ROR2: variants seen among roughly 807,000 people sequenced by gnomAD.
The protein encoded by ROR2 is ROR family WNT receptor 2.
Under a neutral mutation model 74.9 loss-of-function variants are expected in ROR2, and 33 were observed. The observed-to-expected ratio is 0.44, with a 90% CI of 0.33 to 0.59. The LOEUF (loss-of-function observed/expected upper bound fraction) is 0.59. Among genes scored for constraint, ROR2 ranks in the 20% least tolerant of loss-of-function variants. The pLI, the probability that ROR2 is intolerant of heterozygous loss-of-function variation, is 0.02. For missense variants in ROR2, 1,216 were observed against 1,313.8 expected (o/e 0.93, Z 1.15); for synonymous variants, 586 against 558.7 (o/e 1.05, Z -0.69).
At chr9:91,755,659 C>T (rs571314384) in intron 4 of ROR2, among the ~76,000 whole-genome samples, 13 of 152,218 alleles carry the variant, frequency 8.5e-5, no homozygotes, top group African/African-American at 2.7e-4. Context: ...CCCACTGCCA[C>T]GGGGTGGCCC....
chr9:91,927,629 T>C (rs1333569012), intron 1 of ROR2, among the ~76,000 whole-genome samples: 9 of 147,430 alleles, frequency 6.1e-5, no homozygotes, highest in African/African-American at 2.5e-5. Flanking sequence ...AGTGGTGCGA[T>C]GTCAGCTCAC....
intron 1 of ROR2, among the ~76,000 whole-genome samples, chr9:91,930,625 G>C (rs943825007): frequency 6.6e-6 from 1 of 152,182 alleles, no homozygotes; most frequent in Admixed American, 6.5e-5. Context: ...CACACCAGAG[G>C]AATGTAAAGC....
intron 2 of ROR2, among the ~76,000 whole-genome samples, chr9:91,762,305 G>C (rs1482805115): frequency 6.6e-6 from 1 of 152,152 alleles, no homozygotes; most frequent in Admixed American, 6.5e-5. Context: ...TAAAGATCTT[G>C]CCACTTTACT....
At chr9:91,817,052 C>G (rs1002457573) in intron 1 of ROR2, among the ~76,000 whole-genome samples, 2 of 152,174 alleles carry the variant, frequency 1.3e-5, no homozygotes, top group African/African-American at 4.8e-5. Context: ...TGGGGAGACC[C>G]ATGGGCTGTG....
At chr9:91,851,349 G>A (rs1364563780) in intron 1 of ROR2, among the ~76,000 whole-genome samples, 6 of 121,668 alleles carry the variant, frequency 4.9e-5, no homozygotes, top group South Asian at 2.5e-4. Flanking sequence ...GCAAGACTCC[G>A]TCTCAAAAAA....
intron 1 of ROR2, among the ~76,000 whole-genome samples, chr9:91,911,610 T>C (rs535344460): frequency 6.6e-6 from 1 of 152,128 alleles, no homozygotes. Context: ...GCAGAAGAGA[T>C]GGTGAAATAC....
At chr9:91,734,794 G>A (rs1304299567) in intron 5 of ROR2, among the ~76,000 whole-genome samples, 1 of 152,214 alleles carries the variant, frequency 6.6e-6, no homozygotes, top group Non-Finnish European at 1.5e-5. Flanking sequence ...AAAAGGCGGC[G>A]TCAGTGGGCG....
In ROR2 at chr9:91,896,762, A is replaced by C. The variant is rs187897074; in HGVS notation, c.97+53105T>G. Among the ~76,000 whole-genome samples, 308 of 152,330 alleles carry C rather than the reference A, an allele frequency of 2.0e-3. 3 individuals are homozygous for C. The highest frequency in any genetic ancestry group is 6.8e-3 in the Middle Eastern group (2 of 294). ...TTTCATTTGGGCTTAGAACTGATTA[A>C]ACAAAACAATGTTCTGTCCAAACCT... On this transcript the variant is annotated intron_variant, in intron 1 of 8. Coordinates refer to ENST00000375708, the MANE Select transcript of ROR2 (RefSeq NM_004560.4).
chr9:91,742,151 C>T lies in ROR2; in HGVS notation c.495-4633G>A, dbSNP rs117815698. Among the ~76,000 whole-genome samples, 251 of 152,190 alleles carry T rather than the reference C, an allele frequency of 1.6e-3. 1 individual carries two copies. The highest frequency in any genetic ancestry group is 2.8e-3 in the Admixed American group (43 of 15,288). ...CACAAGGCACTTCTTACATTGGCAGCGGCAAGAGAAAAATGAGGAAGAAGC... is the reference window on the plus strand; with the variant it reads ...CACAAGGCACTTCTTACATTGGCAGTGGCAAGAGAAAAATGAGGAAGAAGC... On this transcript the variant is annotated intron_variant, in intron 4 of 8. Coordinates refer to ENST00000375708, the MANE Select transcript of ROR2 (RefSeq NM_004560.4).
chr9:91,742,865 A>G lies in ROR2; in HGVS notation c.495-5347T>C, dbSNP rs925057303. On this transcript the variant is annotated intron_variant, in intron 4 of 8. Coordinates refer to ENST00000375708, the MANE Select transcript of ROR2 (RefSeq NM_004560.4). ...TCCATTCATGGTAAGTGCCCTATGT[A>G]AGTGTACCATTTCTTAATTTTTATA... is the stretch of plus-strand genomic sequence containing the variant. Among the ~76,000 whole-genome samples, 5 of 152,308 alleles carry G rather than the reference A, an allele frequency of 3.3e-5. No homozygotes were observed. In the East Asian group the frequency reaches 9.6e-4, roughly 29 times the overall value.
intron 1 of ROR2, among the ~76,000 whole-genome samples, chr9:91,941,541 A>G (rs1831867318): frequency 6.6e-6 from 1 of 152,224 alleles, no homozygotes; most frequent in African/African-American, 2.4e-5. Context: ...TAACAAACTC[A>G]GGAAAGACAA....
At chr9:91,778,515 T>A (rs1826500936) in intron 1 of ROR2, among the ~76,000 whole-genome samples, 1 of 152,204 alleles carries the variant, frequency 6.6e-6, no homozygotes, top group Non-Finnish European at 1.5e-5. Context: ...CCTGTCCTCG[T>A]TAGTTGCCTG....
At chr9:91,846,995 G>C (rs1168635498) in intron 1 of ROR2, among the ~76,000 whole-genome samples, 1 of 152,126 alleles carries the variant, frequency 6.6e-6, no homozygotes, top group Non-Finnish European at 1.5e-5. Context: ...GATTCACCAT[G>C]GGGCAGAGCT....
Position 91,893,443 on chromosome 9 carries a change from T to TA in ROR2, c.97+56423dup, listed in dbSNP as rs201903706. On this transcript the variant is annotated intron_variant, in intron 1 of 8. Coordinates refer to ENST00000375708, the MANE Select transcript of ROR2 (RefSeq NM_004560.4). ...TGGCAGAGTAAGTGTGACTCTGTCT[T>TA]AAAAAAAAAAAAATTTGCAGGCTGA... Among the ~76,000 whole-genome samples the TA allele has an allele frequency of 1.3e-3, 195 of 146,438 alleles. 1 individual carries two copies. The highest frequency in any genetic ancestry group is 3.6e-3 in the African/African-American group (146 of 40,022).
At chr9:91,941,648 G>T (rs1831872057) in intron 1 of ROR2, among the ~76,000 whole-genome samples, 1 of 152,176 alleles carries the variant, frequency 6.6e-6, no homozygotes, top group African/African-American at 2.4e-5. Context: ...CCAGCACAGG[G>T]TCAGGGCCAG....
At chr9:91,908,852 T>C (rs1394987151) in intron 1 of ROR2, among the ~76,000 whole-genome samples, 1 of 152,156 alleles carries the variant, frequency 6.6e-6, no homozygotes, top group Non-Finnish European at 1.5e-5. Flanking sequence ...AAACACCTTA[T>C]ATTTTCATTA....
chr9:91,918,991 T>C (rs1406202), intron 1 of ROR2, among the ~76,000 whole-genome samples: 42,988 of 151,974 alleles, frequency 0.28, 10,229 homozygotes, highest in African/African-American at 0.64. Context: ...CGCCCCTCTC[T>C]GCAGTCCGCA....
chr9:91,821,312 C>T (rs1478843830), intron 1 of ROR2, among the ~76,000 whole-genome samples: 1 of 152,194 alleles, frequency 6.6e-6, no homozygotes, highest in African/African-American at 2.4e-5. Flanking sequence ...CATTTTATTA[C>T]AGCAGCCTGT....
At chr9:91,731,219 GC>G in intron 6 of ROR2, 64 bp from the exon 7 acceptor site, 1 of 1,605,972 alleles carries the variant, frequency 6.2e-7, no homozygotes. Context: ...GCCTACACAT[GC>G]CCAAACTAGA....
Sources: gnomAD v4.1 joint callset for allele counts (sites outside exome capture counted in the v4.1 genomes callset) on GRCh38, gnomAD v4.1.1 for gene constraint, MANE v1.5 for transcripts, NCBI Gene and HGNC (gene_info 2026-07-23, HGNC 2026-07-21) for gene names.